The following CAST variants were observed in gnomAD, a reference collection of about 807,000 sequenced individuals.
The protein encoded by CAST is MIR583 host.
A neutral mutation model predicts 119.6 loss-of-function variants in CAST; 76 were observed. That is an observed-to-expected ratio of 0.64 (90% CI 0.53 to 0.77). The LOEUF (loss-of-function observed/expected upper bound fraction) is 0.77, where lower values mean the gene tolerates loss of function less well. Ranked by LOEUF, CAST falls within the 30% of genes least tolerant of loss-of-function variation. CAST has a pLI of 0.00. For missense variants in CAST, 953 were observed against 946.5 expected, an observed-to-expected ratio of 1.01 and a Z score of -0.09; for synonymous variants, 319 against 331.6, an observed-to-expected ratio of 0.96 and a Z score of 0.41.
At chr5:96,371,342 G>T in the CAST span, among the ~76,000 whole-genome samples, 3 of 152,206 alleles carry the variant, frequency 2.0e-5, no homozygotes, top group Non-Finnish European at 4.4e-5. Flanking sequence ...TGTAGATGCT[G>T]TACTAATCCT....
rs115569730 is a variant in CAST, at chr5:96,743,471, C to T, written c.1200+715C>T. On this transcript the variant is annotated intron_variant, in intron 16 of 31. Transcript: ENST00000675179. ...AGGTAGCCTGGGATCCCCAGGAGCCCGCCCCACCTCCATCAGCTCAGGCTG... is the reference window on the plus strand; with the variant it reads ...AGGTAGCCTGGGATCCCCAGGAGCCTGCCCCACCTCCATCAGCTCAGGCTG... 5,393 of 1,046,200 alleles carry T rather than the reference C, an allele frequency of 5.2e-3. 142 individuals carry two copies. The African/African-American group carries it at 0.069, about 13-fold the overall frequency. The allele number at this position is 1,046,200 out of a possible 1,614,324, so 64.8% of individuals were successfully genotyped here.
the CAST span, among the ~76,000 whole-genome samples, chr5:96,485,143 T>C: frequency 1.4e-4 from 21 of 152,094 alleles, no homozygotes; most frequent in African/African-American, 4.6e-4. Flanking sequence ...AGAGAAATGG[T>C]CAAAATGTCA....
At chr5:96,559,714 C>A (rs1393699650) in intron 1 of CAST, among the ~76,000 whole-genome samples, 1 of 152,124 alleles carries the variant, frequency 6.6e-6, no homozygotes, top group East Asian at 1.9e-4. Flanking sequence ...AGGATACAAG[C>A]AAATGGAAGA....
Position 96,770,591 on chromosome 5 carries a change from G to A in CAST, c.2329G>A (p.Asp777Asn). 2 of 1,610,944 alleles carry A rather than the reference G, an allele frequency of 1.2e-6. No homozygotes were observed. Among genetic ancestry groups the A allele is most frequent in the Non-Finnish European group, 1.7e-6 (2 of 1,177,374 alleles). Residue 777 changes from aspartate (D) to asparagine (N), a missense_variant, in exon 30 of 32, where the codon GAT (aspartate) becomes AAT (asparagine). Transcript: ENST00000675179. ...ACCTAAGAATGGAGGTAAAGCGAAG[G>A]ATTCAGCAAAGGTAAATGGAGCAGT... ...KAPKNGGKAK[D>N]SAKTTEETSK...
the CAST span, among the ~76,000 whole-genome samples, chr5:96,501,143 G>A: frequency 6.6e-6 from 1 of 152,160 alleles, no homozygotes; most frequent in South Asian, 2.1e-4. Context: ...AGATTAAAAA[G>A]TTATGGGTCG....
chr5:96,083,248 A>T, the CAST span, among the ~76,000 whole-genome samples: 1 of 152,262 alleles, frequency 6.6e-6, no homozygotes, highest in Non-Finnish European at 1.5e-5. Context: ...AGTAAACTTT[A>T]GTTGCCATTT....
At chr5:96,507,990 C>CATTATTATTATTATT in the CAST span, among the ~76,000 whole-genome samples, 156 of 142,274 alleles carry the variant, frequency 1.1e-3, no homozygotes, top group Non-Finnish European at 1.6e-3. Context: ...ATATCCCTGA[C>CATTATTATTATTATT]ATTATTATTA....
chr5:96,062,083 A>T, the CAST span, among the ~76,000 whole-genome samples: 1 of 152,126 alleles, frequency 6.6e-6, no homozygotes, highest in Admixed American at 6.5e-5. Flanking sequence ...GGTTTTCCTT[A>T]CCTTCTCACA....
At chr5:96,654,087 G>A (rs1380865174) in intron 1 of CAST, among the ~76,000 whole-genome samples, 7 of 147,380 alleles carry the variant, frequency 4.7e-5, no homozygotes, top group Non-Finnish European at 1.0e-4. Context: ...GCAGTGGTGC[G>A]ATCTCAGCTC....
At chr5:96,148,713 A>T in the CAST span, among the ~76,000 whole-genome samples, 1 of 152,376 alleles carries the variant, frequency 6.6e-6, no homozygotes, top group South Asian at 2.1e-4. Context: ...CAATAGAATG[A>T]TGTGTAGTTA....
intron 2 of CAST, among the ~76,000 whole-genome samples, chr5:96,686,012 C>T (rs1355807436): frequency 6.6e-6 from 1 of 152,004 alleles, no homozygotes; most frequent in Non-Finnish European, 1.5e-5. Flanking sequence ...GACCAACTCA[C>T]TCTGCCATAT....
intron 30 of CAST, 61 bp from the exon 31 acceptor site, chr5:96,771,583 C>T (rs1772338418): frequency 8.0e-7 from 1 of 1,243,188 alleles, no homozygotes; most frequent in Non-Finnish European, 1.2e-6. Context: ...TCTGAGAAGG[C>T]CATCTCCTCA....
At chr5:96,307,357 G>A in the CAST span, among the ~76,000 whole-genome samples, 1 of 152,146 alleles carries the variant, frequency 6.6e-6, no homozygotes, top group African/African-American at 2.4e-5. Context: ...TTGCACATGA[G>A]ATGGGTCTCC....
At chr5:96,761,567 T>G (rs1767966392) in intron 24 of CAST, 1 of 152,328 alleles carries the variant, frequency 6.6e-6, no homozygotes, top group South Asian at 2.1e-4. Context: ...CTATCCATAG[T>G]TGGAGTCACC....
chr5:96,055,816 G>A, the CAST span, among the ~76,000 whole-genome samples: 1 of 151,904 alleles, frequency 6.6e-6, no homozygotes, highest in Non-Finnish European at 1.5e-5. Flanking sequence ...GTGGAAATTT[G>A]GATTATTCTG....
intron 1 of CAST, among the ~76,000 whole-genome samples, chr5:96,544,732 T>TA (rs557383036): frequency 1.2e-3 from 179 of 151,922 alleles, no homozygotes; most frequent in African/African-American, 4.2e-3. Flanking sequence ...AGAAAAGAGT[T>TA]AAAAATATGG....
the CAST span, among the ~76,000 whole-genome samples, chr5:96,184,218 T>A: frequency 6.6e-6 from 1 of 152,122 alleles, no homozygotes; most frequent in South Asian, 2.1e-4. Context: ...GGATCCCAAC[T>A]CATTTTTGAC....
At chr5:96,281,834 G>A in the CAST span, among the ~76,000 whole-genome samples, 6 of 152,130 alleles carry the variant, frequency 3.9e-5, no homozygotes, top group African/African-American at 1.4e-4. Context: ...TCTACGTATT[G>A]TGTAAGACCA....
chr5:96,404,525 C>T, the CAST span, among the ~76,000 whole-genome samples: 4 of 152,222 alleles, frequency 2.6e-5, no homozygotes, highest in Non-Finnish European at 5.9e-5. Flanking sequence ...CCCCAATACT[C>T]TGGCTATATA....
Sources: allele counts gnomAD v4.1 joint callset (sites outside exome capture counted in the v4.1 genomes callset), GRCh38; gene constraint gnomAD v4.1.1; transcripts MANE v1.5; gene names NCBI Gene and HGNC (gene_info 2026-07-23, HGNC 2026-07-21).